The following RAP1B variants were observed in gnomAD, a reference collection of about 807,000 sequenced individuals.
The protein encoded by RAP1B is RAP1B, member of RAS oncogene family.
A neutral mutation model predicts 27.5 loss-of-function variants in RAP1B; 1 was observed. That is an observed-to-expected ratio of 0.04 (90% CI 0.01 to 0.17). The LOEUF (loss-of-function observed/expected upper bound fraction) is 0.17. Ranked by LOEUF, RAP1B falls within the 10% of genes least tolerant of loss-of-function variation. The pLI is 1.00. For missense variants in RAP1B, 84 were observed against 214.8 expected, an observed-to-expected ratio of 0.39 and a Z score of 3.81; for synonymous variants, 75 against 73.1, an observed-to-expected ratio of 1.03 and a Z score of -0.13.
chr12:68,642,747 C>T (rs1592452361), intron 1 of RAP1B: 2 of 1,073,922 alleles, frequency 1.9e-6, no homozygotes, highest in South Asian at 2.5e-5. Flanking sequence ...GTATATTTAT[C>T]CTCTGGCACG....
intron 4 of RAP1B, among the ~76,000 whole-genome samples, chr12:68,653,725 G>C (rs1292667891): frequency 6.6e-6 from 1 of 152,084 alleles, no homozygotes; most frequent in East Asian, 1.9e-4. Context: ...TCAGGAGATG[G>C]AGATCATCCT....
chr12:68,617,475 A>G (rs565433882), intron 1 of RAP1B, among the ~76,000 whole-genome samples: 21 of 152,360 alleles, frequency 1.4e-4, no homozygotes, highest in African/African-American at 3.6e-4. Flanking sequence ...GAAATTAACA[A>G]ACTTGAGATA....
At chr12:68,654,780 CATT>C (rs1874082484) in intron 5 of RAP1B, among the ~76,000 whole-genome samples, 1 of 152,252 alleles carries the variant, frequency 6.6e-6, no homozygotes, top group Admixed American at 6.5e-5. Flanking sequence ...TAGATTCTAA[CATT>C]ATTAATTTAG....
intron 1 of RAP1B, among the ~76,000 whole-genome samples, chr12:68,618,415 TTG>T (rs1426315490): frequency 6.6e-6 from 1 of 152,118 alleles, no homozygotes; most frequent in Admixed American, 6.6e-5. Context: ...TCCTATGGCA[TTG>T]CTTAAGAATC....
chr12:68,616,321 G>A (rs576071171), intron 1 of RAP1B, among the ~76,000 whole-genome samples: 24 of 151,078 alleles, frequency 1.6e-4, no homozygotes, highest in Non-Finnish European at 2.8e-4. Flanking sequence ...GTCTCGCTCT[G>A]TCAGTCAGGC....
At chr12:68,644,201 T>C (rs778168078) in intron 1 of RAP1B, among the ~76,000 whole-genome samples, 2 of 152,234 alleles carry the variant, frequency 1.3e-5, no homozygotes, top group Non-Finnish European at 2.9e-5. Flanking sequence ...CTCTGAACAT[T>C]TTTAAATGAT....
chr12:68,645,026 G>T (rs1205912810), intron 1 of RAP1B, among the ~76,000 whole-genome samples: 5 of 152,172 alleles, frequency 3.3e-5, no homozygotes, highest in African/African-American at 1.2e-4. Context: ...TGACGAGTAT[G>T]TGCAAGGTGT....
At chr12:68,656,508 G>T in intron 6 of RAP1B, 59 bp downstream of exon 6, 1 of 1,526,090 alleles carries the variant, frequency 6.6e-7, no homozygotes, top group Non-Finnish European at 9.1e-7. Context: ...GAAGATGAAT[G>T]GAAAATGTCT....
intron 1 of RAP1B, among the ~76,000 whole-genome samples, chr12:68,629,508 C>T (rs1271752189): frequency 1.3e-5 from 2 of 152,092 alleles, no homozygotes; most frequent in African/African-American, 4.8e-5. Context: ...GTATTTTAAC[C>T]ACTTGAAGAA....
intron 1 of RAP1B, among the ~76,000 whole-genome samples, chr12:68,635,488 C>G (rs1245566584): frequency 6.6e-6 from 1 of 152,170 alleles, no homozygotes; most frequent in Non-Finnish European, 1.5e-5. Flanking sequence ...GACAGAGTCA[C>G]TCTGTCACCC....
chr12:68,627,603 C>T (rs574789670), intron 1 of RAP1B, among the ~76,000 whole-genome samples: 1 of 152,258 alleles, frequency 6.6e-6, no homozygotes, highest in African/African-American at 2.4e-5. Flanking sequence ...CGAAATACCC[C>T]ATGTGTAGCT....
intron 1 of RAP1B, among the ~76,000 whole-genome samples, chr12:68,630,141 C>T (rs1025607645): frequency 6.6e-6 from 1 of 152,176 alleles, no homozygotes; most frequent in Non-Finnish European, 1.5e-5. Context: ...GAGTTGATGA[C>T]TAAGCTGAAA....
At chr12:68,617,808 G>C (rs992545631) in intron 1 of RAP1B, among the ~76,000 whole-genome samples, 1 of 151,734 alleles carries the variant, frequency 6.6e-6, no homozygotes, top group Non-Finnish European at 1.5e-5. Flanking sequence ...CTGTCACCCA[G>C]GCTGGAGTGC....
intron 1 of RAP1B, chr12:68,627,503 G>A (rs150220104): frequency 4.7e-5 from 12 of 254,646 alleles, no homozygotes; most frequent in East Asian, 3.0e-4. Flanking sequence ...TAGGTCTCCC[G>A]GGCTTCTGGG....
chr12:68,627,001 C>T lies in RAP1B; in HGVS notation c.-27+15958C>T, dbSNP rs535925953. The T allele has an allele frequency of 1.7e-5, 27 of 1,557,984 alleles. No homozygotes were observed. In the African/African-American group the frequency reaches 3.4e-4, roughly 20 times the overall value. ...TCATTGGCATTGAACTTGGTGAAGC[C>T]CCACTTCTTTGAGATGTGGATCTTC... On this transcript the variant is annotated intron_variant, in intron 1 of 7. Transcript: ENST00000250559.
At chr12:68,622,667 T>C (rs1871467357) in intron 1 of RAP1B, among the ~76,000 whole-genome samples, 1 of 152,218 alleles carries the variant, frequency 6.6e-6, no homozygotes, top group Non-Finnish European at 1.5e-5. Flanking sequence ...ATAATTATAT[T>C]TATCCATTTG....
intron 1 of RAP1B, 63 bp from the exon 2 acceptor site, chr12:68,648,635 CT>C (rs1379882181): frequency 7.9e-7 from 1 of 1,263,744 alleles, no homozygotes; most frequent in African/African-American, 1.5e-5. Flanking sequence ...TGTTTTATTT[CT>C]GTGAAAAGCA....
At chr12:68,636,764 C>T (rs1250514034) in intron 1 of RAP1B, among the ~76,000 whole-genome samples, 1 of 152,032 alleles carries the variant, frequency 6.6e-6, no homozygotes, top group Non-Finnish European at 1.5e-5. Flanking sequence ...AGCAATTCTC[C>T]TGCCTCAGCC....
intron 1 of RAP1B, among the ~76,000 whole-genome samples, chr12:68,630,201 C>G (rs1306305034): frequency 1.3e-5 from 2 of 152,206 alleles, no homozygotes; most frequent in African/African-American, 4.8e-5. Context: ...TTGTCTCTTC[C>G]AGGCTCTAGC....
Sources: allele counts gnomAD v4.1 joint callset (sites outside exome capture counted in the v4.1 genomes callset), GRCh38; gene constraint gnomAD v4.1.1; transcripts MANE v1.5; gene names NCBI Gene and HGNC (gene_info 2026-07-23, HGNC 2026-07-21).